Variants in MKLN1 observed in about 807,000 individuals in gnomAD.
MKLN1 encodes muskelin.
In MKLN1, 18 loss-of-function variants were observed where a neutral mutation model predicts 99.0. That is an observed-to-expected ratio of 0.18 (90% CI 0.13 to 0.27). MKLN1 has a LOEUF of 0.27. MKLN1 is among the 10% of genes least tolerant of loss of function. The pLI is 1.00. For synonymous variants in MKLN1, 288 were observed against 293.2 expected (o/e 0.98, Z 0.18); for missense variants, 621 against 875.9 (o/e 0.71, Z 3.67).
intron 1 of MKLN1, among the ~76,000 whole-genome samples, chr7:131,131,360 A>G (rs2116226852): frequency 6.6e-6 from 1 of 152,332 alleles, no homozygotes; most frequent in East Asian, 1.9e-4. Context: ...TGGGCGATAA[A>G]GCAAGACTGT....
At chr7:131,372,696 A>G (rs1325481874) in intron 1 of MKLN1, among the ~76,000 whole-genome samples, 1 of 150,650 alleles carries the variant, frequency 6.6e-6, no homozygotes, top group Non-Finnish European at 1.5e-5. Context: ...TGCTTTGATG[A>G]ATGTGGATTA....
chr7:131,340,749 T>G (rs1799385431), intron 1 of MKLN1, among the ~76,000 whole-genome samples: 1 of 152,212 alleles, frequency 6.6e-6, no homozygotes, highest in South Asian at 2.1e-4. Context: ...TGATTAATTT[T>G]CTCTTTTTAG....
At chr7:131,334,539 GT>G (rs1474463383) in intron 1 of MKLN1, among the ~76,000 whole-genome samples, 1 of 152,196 alleles carries the variant, frequency 6.6e-6, no homozygotes, top group Non-Finnish European at 1.5e-5. Context: ...TCAGTTTCTT[GT>G]GTAGAAATAC....
At chr7:131,373,104 A>G (rs1268612019) in intron 1 of MKLN1, among the ~76,000 whole-genome samples, 1 of 151,940 alleles carries the variant, frequency 6.6e-6, no homozygotes, top group Non-Finnish European at 1.5e-5. Flanking sequence ...TATTTTTGCT[A>G]TCGATTAAAT....
At chr7:131,189,526 A>G (rs1019574778) in intron 2 of MKLN1, among the ~76,000 whole-genome samples, 3 of 42,266 alleles carry the variant, frequency 7.1e-5, no homozygotes, top group African/African-American at 2.3e-4. Flanking sequence ...TTTTATATTA[A>G]AAAACAAACA....
chr7:131,149,526 C>T (rs1256312058), intron 2 of MKLN1, among the ~76,000 whole-genome samples: 1 of 152,176 alleles, frequency 6.6e-6, no homozygotes, highest in Non-Finnish European at 1.5e-5. Flanking sequence ...AACAAGTAGC[C>T]ATATTCATAT....
At chr7:131,386,987 TA>T (rs1303504809) in intron 2 of MKLN1, 132 bp from the exon 3 acceptor site, 3 of 755,256 alleles carry the variant, frequency 4.0e-6, no homozygotes, top group Admixed American at 3.3e-5. Context: ...TCTATAGCTT[TA>T]AAAAAATCTG....
At chr7:131,293,762 C>T (rs1169566430) in intron 3 of MKLN1, among the ~76,000 whole-genome samples, 5 of 152,152 alleles carry the variant, frequency 3.3e-5, no homozygotes, top group African/African-American at 7.2e-5. Flanking sequence ...ACTATGATCA[C>T]GCCACTGCTC....
At chr7:131,331,585 G>C (rs1181022904) in intron 1 of MKLN1, among the ~76,000 whole-genome samples, 2 of 152,082 alleles carry the variant, frequency 1.3e-5, no homozygotes, top group Admixed American at 1.3e-4. Context: ...AGGAGTTTGA[G>C]ACCAGCATGG....
At chr7:131,196,056 A>T (rs1443608215) in intron 2 of MKLN1, among the ~76,000 whole-genome samples, 3 of 152,086 alleles carry the variant, frequency 2.0e-5, no homozygotes, top group East Asian at 3.8e-4. Flanking sequence ...GAATATGTAA[A>T]TTTTTTAGAA....
In MKLN1 at chr7:131,489,979, T is replaced by C. The variant is rs575237535; in HGVS notation, c.*2251T>C. On this transcript the variant is annotated 3_prime_UTR_variant, in exon 18 of 18. Transcript: ENST00000352689. ...TGAGATAGATGTACTGAGGAGATAA[T>C]TGAAAAGTCAGACTCTGTACTGTGG... The C allele has an allele frequency of 3.3e-5, 5 of 152,388 alleles. No individual in the cohort carries two copies. Among genetic ancestry groups the C allele is most frequent in the Non-Finnish European group, 7.4e-5 (5 of 68,004 alleles). The allele number at this position is 152,388 out of a possible 1,614,324, so 9.4% of individuals were successfully genotyped here.
intron 2 of MKLN1, among the ~76,000 whole-genome samples, chr7:131,184,394 G>T (rs528005269): frequency 8.6e-5 from 13 of 151,960 alleles, no homozygotes; most frequent in Admixed American, 2.6e-4. Context: ...TTTTTCAGCA[G>T]AGCAAGCCTG....
chr7:131,401,443 T>A (rs116720558), intron 6 of MKLN1, among the ~76,000 whole-genome samples: 1,945 of 152,294 alleles, frequency 0.013, 49 homozygotes, highest in African/African-American at 0.044. Context: ...ATCCACCCTT[T>A]GCTGAGCTTA....
intron 3 of MKLN1, among the ~76,000 whole-genome samples, chr7:131,214,422 C>T (rs1796949496): frequency 6.6e-6 from 1 of 152,088 alleles, no homozygotes; most frequent in South Asian, 2.1e-4. Context: ...CTTGCCCTTC[C>T]TATGTTTGTA....
At chr7:131,225,792 T>G (rs550502391) in intron 3 of MKLN1, among the ~76,000 whole-genome samples, 1 of 152,322 alleles carries the variant, frequency 6.6e-6, no homozygotes, top group African/African-American at 2.4e-5. Context: ...GAAGACGGCC[T>G]GTGTCCTGGC....
At chr7:131,314,783 A>G (rs1798633562) in intron 3 of MKLN1, among the ~76,000 whole-genome samples, 1 of 152,038 alleles carries the variant, frequency 6.6e-6, no homozygotes, top group Admixed American at 6.5e-5. Flanking sequence ...AAAAATAAAA[A>G]AATAGAAACA....
At chr7:131,235,722 T>C (rs1797311608) in intron 3 of MKLN1, among the ~76,000 whole-genome samples, 2 of 152,236 alleles carry the variant, frequency 1.3e-5, no homozygotes, top group South Asian at 4.1e-4. Context: ...TCTGTTGGCC[T>C]GTCGGCTTGC....
intron 3 of MKLN1, among the ~76,000 whole-genome samples, chr7:131,299,982 G>T (rs1798351659): frequency 6.6e-6 from 1 of 152,140 alleles, no homozygotes; most frequent in African/African-American, 2.4e-5. Context: ...TTATCTCGGG[G>T]TAAACTCTGC....
At chr7:131,381,429 A>G (rs1183292105) in intron 2 of MKLN1, among the ~76,000 whole-genome samples, 1 of 152,258 alleles carries the variant, frequency 6.6e-6, no homozygotes, top group Non-Finnish European at 1.5e-5. Context: ...ACCAGCACAG[A>G]TGATCCAGAA....
Sources: allele counts gnomAD v4.1 joint callset (sites outside exome capture counted in the v4.1 genomes callset), GRCh38; gene constraint gnomAD v4.1.1; transcripts MANE v1.5; gene names NCBI Gene and HGNC (gene_info 2026-07-23, HGNC 2026-07-21).